PCDH15: variants seen among roughly 807,000 people sequenced by gnomAD.
PCDH15 encodes protocadherin related 15.
In PCDH15, 129 loss-of-function variants were observed where a neutral mutation model predicts 178.5. That is an observed-to-expected ratio of 0.72 (90% CI 0.63 to 0.84). PCDH15 has a LOEUF of 0.84. PCDH15 is among the 40% of genes least tolerant of loss of function. PCDH15 has a pLI of 0.00. For missense variants in PCDH15, 2,230 were observed against 2,099.9 expected (o/e 1.06, Z -1.21); for synonymous variants, 800 against 732.0 (o/e 1.09, Z -1.50).
chr10:55,203,989 T>C (rs1227050396), intron 1 of PCDH15, among the ~76,000 whole-genome samples: 3 of 151,900 alleles, frequency 2.0e-5, no homozygotes, highest in East Asian at 1.9e-4. Flanking sequence ...GGCAGGTGGA[T>C]TGCATGAGTC....
rs66513139 is a variant in PCDH15 at position 53,897,959 on chromosome 10, CTTTTTTTT to C, written c.3501+5276_3501+5283del. Among the ~76,000 whole-genome samples, 10 of 82,406 alleles carry C rather than the reference CTTTTTTTT, an allele frequency of 1.2e-4. No individual in the cohort carries two copies. The East Asian group carries it at 3.6e-3, about 30-fold the overall frequency. The allele number at this position is 82,406 out of a possible 152,430, so 54.1% of individuals were successfully genotyped here. On this transcript the variant is annotated intron_variant, in intron 26 of 37. Coordinates refer to ENST00000644397, the MANE Select transcript of PCDH15 (RefSeq NM_001384140.1). The stretch of plus-strand genomic sequence containing the variant: ...TGAACATATGTGTTGTTTCTTTTCC[CTTTTTTTT>C]TTTTTTTTTTTTTTTTTGAGACAGA...
At chr10:54,753,508 CAAACAAAA>C (rs1207969977) in intron 1 of PCDH15, among the ~76,000 whole-genome samples, 1 of 151,526 alleles carries the variant, frequency 6.6e-6, no homozygotes, top group Non-Finnish European at 1.5e-5. Context: ...AACAAACAAA[CAAACAAAA>C]AAAAAAACTT....
chr10:53,880,268 G>A (rs1333870240), intron 26 of PCDH15, among the ~76,000 whole-genome samples: 1 of 152,096 alleles, frequency 6.6e-6, no homozygotes, highest in Admixed American at 6.6e-5. Context: ...CCCAAAATTT[G>A]CAACAGAGCA....
intron 2 of PCDH15, among the ~76,000 whole-genome samples, chr10:55,130,951 C>G (rs188169354): frequency 6.6e-6 from 1 of 151,670 alleles, no homozygotes; most frequent in East Asian, 2.0e-4. Flanking sequence ...GAATTCAGCT[C>G]TAAAAAGAAA....
chr10:55,464,143 A>C (rs1227522245), intron 2 of PCDH15, among the ~76,000 whole-genome samples: 5 of 152,180 alleles, frequency 3.3e-5, no homozygotes, highest in Non-Finnish European at 7.3e-5. Flanking sequence ...AGTCGGATCA[A>C]CCAATGTTGT....
chr10:54,306,505 G>GA (rs71299260), intron 8 of PCDH15, among the ~76,000 whole-genome samples: 5,923 of 152,040 alleles, frequency 0.039, 152 homozygotes, highest in Admixed American at 0.09. Context: ...AGAATCCTCA[G>GA]TTTTTTGAGG....
intron 3 of PCDH15, among the ~76,000 whole-genome samples, chr10:54,849,569 T>C (rs1386115761): frequency 6.6e-6 from 1 of 152,212 alleles, no homozygotes. Flanking sequence ...TTTGATTCAC[T>C]GGCCATCCAT....
chr10:53,932,909 T>C (rs1256533043), intron 25 of PCDH15, among the ~76,000 whole-genome samples: 1 of 152,102 alleles, frequency 6.6e-6, no homozygotes, highest in Non-Finnish European at 1.5e-5. Flanking sequence ...GTGTTGTCTT[T>C]GCCATAGTGA....
At chr10:53,919,820 T>C (rs1454447935) in intron 25 of PCDH15, among the ~76,000 whole-genome samples, 1 of 152,228 alleles carries the variant, frequency 6.6e-6, no homozygotes, top group Non-Finnish European at 1.5e-5. Flanking sequence ...TATATACTTC[T>C]ATGCCTAGGA....
intron 13 of PCDH15, among the ~76,000 whole-genome samples, chr10:54,155,102 C>T (rs146963555): frequency 4.6e-5 from 7 of 152,172 alleles, no homozygotes; most frequent in African/African-American, 1.7e-4. Flanking sequence ...TAACATTCTT[C>T]CTGGGACTTA....
intron 26 of PCDH15, among the ~76,000 whole-genome samples, chr10:53,880,955 T>G (rs943164577): frequency 1.3e-5 from 2 of 152,172 alleles, no homozygotes; most frequent in African/African-American, 2.4e-5. Context: ...ATTTTGGAGC[T>G]CTCCCTCGTG....
At chr10:55,057,293 C>A (rs1337860880) in intron 2 of PCDH15, among the ~76,000 whole-genome samples, 4 of 151,904 alleles carry the variant, frequency 2.6e-5, no homozygotes, top group Admixed American at 2.0e-4. Flanking sequence ...TTTTGGTATT[C>A]CATGCAATTG....
At chr10:55,109,959 C>T (rs1837455026) in intron 2 of PCDH15, among the ~76,000 whole-genome samples, 1 of 151,350 alleles carries the variant, frequency 6.6e-6, no homozygotes. Context: ...AAGAGATAAA[C>T]AGTATAAACA....
chr10:55,281,679 T>G (rs577537797), intron 1 of PCDH15, among the ~76,000 whole-genome samples: 1 of 152,140 alleles, frequency 6.6e-6, no homozygotes, highest in Non-Finnish European at 1.5e-5. Context: ...ATCATCTCCG[T>G]GGATCAAATC....
chr10:55,079,947 G>A (rs569897044), intron 2 of PCDH15, among the ~76,000 whole-genome samples: 1 of 152,076 alleles, frequency 6.6e-6, no homozygotes, highest in South Asian at 2.1e-4. Context: ...AGTGTGCAGG[G>A]GCTTAGGCTC....
intron 3 of PCDH15, among the ~76,000 whole-genome samples, chr10:54,510,214 T>C (rs950928753): frequency 6.6e-6 from 1 of 152,196 alleles, no homozygotes; most frequent in African/African-American, 2.4e-5. Context: ...AAGAAGTTAG[T>C]GGTAAAGCCA....
intron 22 of PCDH15, among the ~76,000 whole-genome samples, chr10:53,960,647 C>T (rs2088199009): frequency 6.6e-6 from 1 of 152,120 alleles, no homozygotes; most frequent in Non-Finnish European, 1.5e-5. Flanking sequence ...TTGGAAGCTG[C>T]AGGTTAACAA....
intron 1 of PCDH15, among the ~76,000 whole-genome samples, chr10:54,719,546 A>G (rs1463445419): frequency 6.6e-6 from 1 of 151,922 alleles, no homozygotes; most frequent in Non-Finnish European, 1.5e-5. Context: ...GTTCTGGGAT[A>G]CGAGTGCAGA....
intron 5 of PCDH15, among the ~76,000 whole-genome samples, chr10:54,351,202 T>A (rs1018806170): frequency 6.6e-6 from 1 of 152,178 alleles, no homozygotes; most frequent in Non-Finnish European, 1.5e-5. Context: ...CAAAGAGACC[T>A]ACCTTATGTT....
Sources: allele counts gnomAD v4.1 joint callset (sites outside exome capture counted in the v4.1 genomes callset), GRCh38; gene constraint gnomAD v4.1.1; transcripts MANE v1.5; gene names NCBI Gene and HGNC (gene_info 2026-07-23, HGNC 2026-07-21).